The following CALN1 variants were observed in gnomAD, a reference collection of about 807,000 sequenced individuals.
CALN1 encodes the protein calcium-binding protein 8.
A neutral mutation model predicts 30.6 loss-of-function variants in CALN1; 17 were observed. That is an observed-to-expected ratio of 0.56 (90% CI 0.38 to 0.83). CALN1 has a LOEUF of 0.83. Among genes scored for constraint, CALN1 ranks in the 40% least tolerant of loss-of-function variants. The pLI is 0.00. For missense variants in CALN1, 291 were observed against 354.9 expected (o/e 0.82, Z 1.45); for synonymous variants, 156 against 131.4 (o/e 1.19, Z -1.28).
At chr7:72,218,522 G>T (rs12112510) in intron 3 of CALN1, among the ~76,000 whole-genome samples, 19,914 of 152,088 alleles carry the variant, frequency 0.13, 1,705 homozygotes, top group East Asian at 0.43. Context: ...TCAGTAGCCT[G>T]TTATTGTGAT....
At chr7:71,956,956 C>T (rs2129524765) in intron 5 of CALN1, among the ~76,000 whole-genome samples, 1 of 152,260 alleles carries the variant, frequency 6.6e-6, no homozygotes, top group South Asian at 2.1e-4. Context: ...CCTTGGCCTC[C>T]CAAAGTGCTG....
chr7:72,265,735 A>G (rs1796554356), intron 3 of CALN1, among the ~76,000 whole-genome samples: 1 of 152,090 alleles, frequency 6.6e-6, no homozygotes, highest in South Asian at 2.1e-4. Flanking sequence ...TTTGCATAAC[A>G]AGATACCACC....
At chr7:72,298,158 G>C (rs1798997338) in intron 2 of CALN1, among the ~76,000 whole-genome samples, 2 of 152,166 alleles carry the variant, frequency 1.3e-5, no homozygotes, top group South Asian at 4.1e-4. Flanking sequence ...CTTTACCTGT[G>C]TATGGCCAAC....
intron 4 of CALN1, among the ~76,000 whole-genome samples, chr7:72,057,023 C>G (rs973258703): frequency 6.6e-6 from 1 of 152,096 alleles, no homozygotes. Flanking sequence ...TCATTACAGC[C>G]TCCAATTTCT....
chr7:72,181,098 C>G (rs1446481707), intron 3 of CALN1, among the ~76,000 whole-genome samples: 2 of 6,760 alleles, frequency 3.0e-4, no homozygotes, highest in African/African-American at 7.5e-4. Context: ...ACTGCATAAC[C>G]CCCCCCCCCC....
chr7:71,908,045 C>T lies in CALN1; in HGVS notation c.502-97553G>A, dbSNP rs111269352. Among the ~76,000 whole-genome samples the T allele has an allele frequency of 7.6e-3, 1,160 of 152,318 alleles. 12 individuals carry two copies. The highest frequency in any genetic ancestry group is 0.026 in the African/African-American group (1,079 of 41,562). On this transcript the variant is annotated intron_variant, in intron 5 of 6. Coordinates refer to ENST00000395275, the MANE Select transcript of CALN1 (RefSeq NM_031468.4). ...TATTGTGGATTTTAGGTCTAGCTTTCGGGTTATTGCTCCAATCATTTTTAC... is the reference window on the plus strand; with the variant it reads ...TATTGTGGATTTTAGGTCTAGCTTTTGGGTTATTGCTCCAATCATTTTTAC...
At chr7:72,064,742 AG>A (rs1803900060) in intron 4 of CALN1, among the ~76,000 whole-genome samples, 1 of 152,184 alleles carries the variant, frequency 6.6e-6, no homozygotes, top group Admixed American at 6.5e-5. Flanking sequence ...ACAACCAGTA[AG>A]TATAATACAT....
chr7:72,499,822 C>T, the CALN1 span, among the ~76,000 whole-genome samples: 1,329 of 48,244 alleles, frequency 0.028, 38 homozygotes, highest in African/African-American at 0.065. Flanking sequence ...TCCTTCCTTC[C>T]TTCCTTCTTT....
Position 72,264,480 on chromosome 7 carries a change from A to T in CALN1, c.244+14206T>A, listed in dbSNP as rs1486184913. On this transcript the variant is annotated intron_variant, in intron 3 of 6. Transcript: ENST00000395275. Reference sequence around the variant, plus strand: ...TAATCTGCTACAACACTTCCTGCTCAAAAATAATAAGCAGGATTTTTTTTT... The same window carrying T: ...TAATCTGCTACAACACTTCCTGCTCTAAAATAATAAGCAGGATTTTTTTTT... 6.7e-5 allele frequency among the ~76,000 whole-genome samples: 10 copies of T among 149,830 alleles called. No homozygotes were observed. The Admixed American group carries it at 6.7e-4, about 10-fold the overall frequency.
intron 5 of CALN1, among the ~76,000 whole-genome samples, chr7:71,923,013 C>G (rs1230981489): frequency 1.3e-5 from 2 of 148,920 alleles, no homozygotes; most frequent in Admixed American, 1.4e-4. Context: ...CTATACTATA[C>G]TATACTATAC....
intron 2 of CALN1, among the ~76,000 whole-genome samples, chr7:72,397,536 C>T (rs913098766): frequency 6.6e-6 from 1 of 151,964 alleles, no homozygotes; most frequent in African/African-American, 2.4e-5. Flanking sequence ...GAAGGGGTGA[C>T]TAGAAGAAAA....
At chr7:71,992,263 C>T (rs1339677423) in intron 5 of CALN1, among the ~76,000 whole-genome samples, 1 of 152,246 alleles carries the variant, frequency 6.6e-6, no homozygotes, top group Non-Finnish European at 1.5e-5. Flanking sequence ...AACTAAATTG[C>T]TGCAGCTCAT....
chr7:71,922,645 A>G (rs969032313), intron 5 of CALN1, among the ~76,000 whole-genome samples: 57 of 138,188 alleles, frequency 4.1e-4, no homozygotes, highest in African/African-American at 1.5e-3. Context: ...ATAACAGAAT[A>G]TATTATATAT....
intron 5 of CALN1, among the ~76,000 whole-genome samples, chr7:71,908,713 G>C (rs896056211): frequency 6.6e-6 from 1 of 152,202 alleles, no homozygotes; most frequent in African/African-American, 2.4e-5. Flanking sequence ...GGCAAGGACT[G>C]AAGTGTCCTC....
chr7:72,438,305 A>G (rs1472900936), intron 1 of CALN1, among the ~76,000 whole-genome samples: 1 of 150,228 alleles, frequency 6.7e-6, no homozygotes, highest in Non-Finnish European at 1.5e-5. Flanking sequence ...TGTTTTTTGT[A>G]GAGATGGAGT....
chr7:72,497,041 G>A, the CALN1 span, among the ~76,000 whole-genome samples: 1 of 152,184 alleles, frequency 6.6e-6, no homozygotes, highest in Non-Finnish European at 1.5e-5. Context: ...GAATTTTAAC[G>A]TCTGTGCATG....
intron 5 of CALN1, among the ~76,000 whole-genome samples, chr7:71,978,033 G>A (rs565880634): frequency 3.3e-5 from 5 of 151,308 alleles, no homozygotes; most frequent in African/African-American, 1.2e-4. Flanking sequence ...CATCTTAGCA[G>A]CTGCCAAAGA....
intron 3 of CALN1, among the ~76,000 whole-genome samples, chr7:72,132,037 A>G (rs1406445640): frequency 1.3e-5 from 2 of 152,206 alleles, no homozygotes; most frequent in Admixed American, 6.5e-5. Flanking sequence ...CAGTCGCTCA[A>G]TGTATATGCA....
intron 3 of CALN1, among the ~76,000 whole-genome samples, chr7:72,199,349 A>G (rs548538917): frequency 2.0e-5 from 3 of 152,162 alleles, no homozygotes; most frequent in Non-Finnish European, 4.4e-5. Flanking sequence ...AAAGGCTACA[A>G]TCCAAAAATA....
Sources: gnomAD v4.1 joint callset for allele counts (sites outside exome capture counted in the v4.1 genomes callset) on GRCh38, gnomAD v4.1.1 for gene constraint, MANE v1.5 for transcripts, NCBI Gene and HGNC (gene_info 2026-07-23, HGNC 2026-07-21) for gene names.